The following COL14A1 variants were observed in gnomAD, a reference collection of about 807,000 sequenced individuals.
COL14A1 encodes collagen type XIV alpha 1 chain, also known as collagen alpha-1(XIV) chain.
Under a neutral mutation model 230.3 loss-of-function variants are expected in COL14A1, and 136 were observed. The ratio of observed to expected loss-of-function variants is 0.59; its 90% CI spans 0.51 to 0.68. COL14A1 has a LOEUF of 0.68. Among genes scored for constraint, COL14A1 ranks in the 30% least tolerant of loss-of-function variants. The pLI, the probability that COL14A1 is intolerant of heterozygous loss-of-function variation, is 0.00. For missense variants in COL14A1, 1,976 were observed against 2,215.8 expected, an observed-to-expected ratio of 0.89 and a Z score of 2.17; for synonymous variants, 792 against 784.1, an observed-to-expected ratio of 1.01 and a Z score of -0.17.
chr8:120,274,055 G>A (rs1259841912), intron 26 of COL14A1, among the ~76,000 whole-genome samples: 1 of 151,714 alleles, frequency 6.6e-6, no homozygotes, highest in Non-Finnish European at 1.5e-5. Context: ...AACATCCCTT[G>A]TGAACATAGA....
At chr8:120,203,178 G>A (rs1018470848) in intron 8 of COL14A1, among the ~76,000 whole-genome samples, 5 of 151,796 alleles carry the variant, frequency 3.3e-5, no homozygotes, top group Admixed American at 1.3e-4. Flanking sequence ...CTGTTATGAT[G>A]TATTGAGTAA....
intron 28 of COL14A1, 112 bp from the exon 29 acceptor site, chr8:120,279,823 C>T (rs1819982081): frequency 8.9e-7 from 1 of 1,124,836 alleles, no homozygotes; most frequent in South Asian, 1.6e-5. Context: ...TATCCACCCC[C>T]ATGGGCCTTC....
intron 24 of COL14A1, among the ~76,000 whole-genome samples, chr8:120,265,656 T>TGTGTATGTGTGC (rs1286297200): frequency 6.6e-6 from 1 of 151,784 alleles, no homozygotes; most frequent in Non-Finnish European, 1.5e-5. Flanking sequence ...TGTGTGTGTG[T>TGTGTATGTGTGC]GTATGTGTGC....
intron 13 of COL14A1, chr8:120,214,014 G>T (rs1817682790): frequency 1.1e-5 from 4 of 354,282 alleles, no homozygotes; most frequent in South Asian, 2.2e-5. Flanking sequence ...ATTAATGAAA[G>T]AACTGGGCTT....
At chr8:120,333,034 T>A (rs180729058) in intron 42 of COL14A1, among the ~76,000 whole-genome samples, 1 of 152,240 alleles carries the variant, frequency 6.6e-6, no homozygotes. Context: ...TCTCCAGAGA[T>A]TGGGTACAAC....
intron 40 of COL14A1, among the ~76,000 whole-genome samples, chr8:120,319,122 T>G (rs540688497): frequency 6.6e-6 from 1 of 152,176 alleles, no homozygotes; most frequent in South Asian, 2.1e-4. Flanking sequence ...TTTTTCTTCC[T>G]TTTATATTTT....
At chr8:120,222,278 A>G (rs890461188) in intron 14 of COL14A1, among the ~76,000 whole-genome samples, 6 of 152,232 alleles carry the variant, frequency 3.9e-5, no homozygotes, top group African/African-American at 1.4e-4. Flanking sequence ...AAAATGACCT[A>G]TAATGTTATC....
chr8:120,227,182 A>G (rs758662525), intron 16 of COL14A1, 38 bp from the exon 17 acceptor site: 11 of 1,595,026 alleles, frequency 6.9e-6, no homozygotes, highest in Non-Finnish European at 8.5e-7. Flanking sequence ...CTTTTTTTTC[A>G]AATAAGCATA....
intron 5 of COL14A1, among the ~76,000 whole-genome samples, chr8:120,194,690 G>A (rs73321684): frequency 0.013 from 1,976 of 152,112 alleles, 44 homozygotes; most frequent in African/African-American, 0.044. Context: ...AGCAGAAAGC[G>A]TTCCCTTTCT....
chr8:120,351,726 T>G (rs1586890439), intron 45 of COL14A1, among the ~76,000 whole-genome samples: 1 of 62,546 alleles, frequency 1.6e-5, no homozygotes, highest in Non-Finnish European at 2.9e-5. Context: ...TAACAGGAGC[T>G]GAAATTGTGG....
At position 120,331,233 on chromosome 8, in the gene COL14A1, G is replaced by A. The variant is rs192506896; in HGVS notation, c.4660-908G>A. ...AGAGTCTGCAAAGATGCCAGGAGAAGTTTGAGTTGGTTTGAGATGGAAAAT... is the reference window on the plus strand; with the variant it reads ...AGAGTCTGCAAAGATGCCAGGAGAAATTTGAGTTGGTTTGAGATGGAAAAT... On this transcript the variant is annotated intron_variant, in intron 40 of 47. Transcript: ENST00000297848. 3.9e-3 allele frequency among the ~76,000 whole-genome samples: 593 copies of A among 152,208 alleles called. 5 individuals are homozygous for A. Among genetic ancestry groups the A allele is most frequent in the African/African-American group, 0.014 (571 of 41,518 alleles).
intron 19 of COL14A1, among the ~76,000 whole-genome samples, chr8:120,234,993 T>C (rs950429607): frequency 6.6e-6 from 1 of 152,168 alleles, no homozygotes; most frequent in Non-Finnish European, 1.5e-5. Flanking sequence ...ATTTCAGAAC[T>C]TGTTATTGGT....
intron 45 of COL14A1, among the ~76,000 whole-genome samples, chr8:120,364,147 A>AC (rs1386792244): frequency 2.0e-5 from 3 of 151,988 alleles, no homozygotes; most frequent in Non-Finnish European, 4.4e-5. Context: ...AGCACTGGTG[A>AC]CCCCATCTCA....
chr8:120,213,595 T>C (rs1056308805), intron 13 of COL14A1, among the ~76,000 whole-genome samples: 1 of 151,976 alleles, frequency 6.6e-6, no homozygotes, highest in African/African-American at 2.4e-5. Flanking sequence ...AGAAAAGAAA[T>C]AAATCATGCT....
intron 45 of COL14A1, among the ~76,000 whole-genome samples, chr8:120,359,564 C>T (rs1823117316): frequency 6.6e-6 from 1 of 152,140 alleles, no homozygotes; most frequent in South Asian, 2.1e-4. Flanking sequence ...GAAATTGGCT[C>T]CTTTTCCCAC....
intron 5 of COL14A1, among the ~76,000 whole-genome samples, chr8:120,195,265 C>A (rs1816993506): frequency 6.6e-6 from 1 of 151,892 alleles, no homozygotes; most frequent in South Asian, 2.1e-4. Context: ...TAAGTAAAAG[C>A]ATATTCAACT....
At chr8:120,304,888 G>A (rs1474626756) in intron 36 of COL14A1, among the ~76,000 whole-genome samples, 1 of 151,880 alleles carries the variant, frequency 6.6e-6, no homozygotes, top group African/African-American at 2.4e-5. Flanking sequence ...ATGGTTATAT[G>A]TTTAGTTAAA....
At chr8:120,127,240 T>G (rs1814373507) in intron 1 of COL14A1, among the ~76,000 whole-genome samples, 2 of 152,234 alleles carry the variant, frequency 1.3e-5, no homozygotes, top group Non-Finnish European at 2.9e-5. Context: ...AGGCTATCTT[T>G]CTTATTCTCT....
rs776910736 is a variant in COL14A1 at position 120,231,627 on chromosome 8, A to C, written c.2349+9A>C. The C allele has an allele frequency of 6.2e-7, 1 of 1,610,984 alleles. No individual in the cohort carries two copies. Among genetic ancestry groups the C allele is most frequent in the Admixed American group, 1.7e-5 (1 of 59,326 alleles). On this transcript the variant is annotated intron_variant, in intron 19 of 47. Transcript: ENST00000297848. ...AAGAAGTCATAGGAACGGTCTGTAT[A>C]AATTCAACTGACTAGAAACTCTGCA...
Sources: allele counts gnomAD v4.1 joint callset (sites outside exome capture counted in the v4.1 genomes callset), GRCh38; gene constraint gnomAD v4.1.1; transcripts MANE v1.5; gene names NCBI Gene and HGNC (gene_info 2026-07-23, HGNC 2026-07-21).